Variants in ULK4 observed in about 807,000 individuals in gnomAD.
ULK4 encodes the protein inactive serine/threonine-protein kinase ULK4.
Under a neutral mutation model 160.6 loss-of-function variants are expected in ULK4, and 133 were observed. The ratio of observed to expected loss-of-function variants is 0.83; its 90% CI spans 0.72 to 0.96. The LOEUF is 0.96. Ranked by LOEUF, ULK4 falls within the 40% of genes least tolerant of loss-of-function variation. The pLI is 0.00. For synonymous variants in ULK4, 534 were observed against 539.8 expected (o/e 0.99, Z 0.15); for missense variants, 1,580 against 1,499.5 (o/e 1.05, Z -0.89).
At position 41,659,720 on chromosome 3, in the gene ULK4, T is replaced by G. The variant is rs75957696; in HGVS notation, c.3071+3887A>C. 9.8e-4 allele frequency among the ~76,000 whole-genome samples: 149 copies of G among 152,160 alleles called. 1 individual carries two copies. In the East Asian group the frequency reaches 0.025, roughly 25 times the overall value. ...ATTTCTCCTTTGATACATCAATACA[T>G]TTATAGGAATTATCCTATAAGATAT... On this transcript the variant is annotated intron_variant, in intron 30 of 36. Transcript: ENST00000301831.
At chr3:41,528,775 A>C (rs2086202360) in intron 32 of ULK4, among the ~76,000 whole-genome samples, 1 of 152,220 alleles carries the variant, frequency 6.6e-6, no homozygotes, top group African/African-American at 2.4e-5. Flanking sequence ...AGGATTTTCC[A>C]GTTACCCAGT....
chr3:41,942,529 A>G (rs143028980), intron 2 of ULK4, among the ~76,000 whole-genome samples: 1,903 of 152,000 alleles, frequency 0.013, 37 homozygotes, highest in African/African-American at 0.044. Context: ...AAAAAAATAA[A>G]TAAATAGGCC....
chr3:41,366,115 G>T (rs933534456), intron 35 of ULK4, among the ~76,000 whole-genome samples: 3 of 152,174 alleles, frequency 2.0e-5, no homozygotes, highest in Non-Finnish European at 4.4e-5. Context: ...TGTCCTCAAA[G>T]CAAACAGCAA....
At chr3:41,418,276 A>C (rs1010066002) in intron 34 of ULK4, among the ~76,000 whole-genome samples, 2 of 146,062 alleles carry the variant, frequency 1.4e-5, no homozygotes, top group African/African-American at 5.1e-5. Flanking sequence ...TAAACAGTCA[A>C]TTGACACATA....
At chr3:41,803,164 T>G (rs1360944904) in intron 19 of ULK4, among the ~76,000 whole-genome samples, 1 of 125,128 alleles carries the variant, frequency 8.0e-6, no homozygotes, top group African/African-American at 4.5e-5. Flanking sequence ...AGAGCAAGAC[T>G]CCATCTCAAA....
intron 5 of ULK4, among the ~76,000 whole-genome samples, chr3:41,929,812 A>T (rs879572184): frequency 2.2e-4 from 34 of 152,312 alleles, no homozygotes; most frequent in Non-Finnish European, 4.0e-4. Flanking sequence ...AGGAGACTAC[A>T]AACCTCTGCT....
intron 32 of ULK4, among the ~76,000 whole-genome samples, chr3:41,491,067 C>T (rs868375180): frequency 6.6e-6 from 1 of 152,154 alleles, no homozygotes; most frequent in Non-Finnish European, 1.5e-5. Context: ...GATGAGATCA[C>T]TGAGAACACA....
intron 32 of ULK4, among the ~76,000 whole-genome samples, chr3:41,527,369 CT>C (rs2125937124): frequency 6.6e-6 from 1 of 152,308 alleles, no homozygotes; most frequent in Non-Finnish European, 1.5e-5. Flanking sequence ...TTCTGTGATG[CT>C]TACTATGTGT....
chr3:41,404,194 T>A (rs1286169038), intron 34 of ULK4, among the ~76,000 whole-genome samples: 1 of 151,706 alleles, frequency 6.6e-6, no homozygotes, highest in Non-Finnish European at 1.5e-5. Flanking sequence ...ACTATCATTG[T>A]TGATTTGTCT....
intron 34 of ULK4, among the ~76,000 whole-genome samples, chr3:41,438,431 G>T (rs1162902993): frequency 6.6e-6 from 1 of 152,100 alleles, no homozygotes; most frequent in Non-Finnish European, 1.5e-5. Context: ...TCAGGATGGT[G>T]CGTGAGTTCA....
chr3:41,779,985 TAAAAAA>T (rs777587812), intron 21 of ULK4, among the ~76,000 whole-genome samples: 14 of 59,366 alleles, frequency 2.4e-4, no homozygotes, highest in African/African-American at 4.2e-4. Flanking sequence ...TAGAGTATAA[TAAAAAA>T]AAAAAAAAAA....
At chr3:41,330,884 CAGG>C (rs908457229) in intron 35 of ULK4, among the ~76,000 whole-genome samples, 1 of 152,098 alleles carries the variant, frequency 6.6e-6, no homozygotes, top group African/African-American at 2.4e-5. Context: ...TGGAAGAGGC[CAGG>C]AGAAGTGGCC....
Position 41,348,238 on chromosome 3 carries a change from T to C in ULK4, c.3678+49841A>G, listed in dbSNP as rs113230034. ...AAAAAAAAAAAAAAAAAAAAGTACA[T>C]GGACCAAGAGGTGGCAAAAAGAATA... On this transcript the variant is annotated intron_variant, in intron 35 of 36. Coordinates refer to ENST00000301831, the MANE Select transcript of ULK4 (RefSeq NM_017886.4). 1.7e-4 allele frequency among the ~76,000 whole-genome samples: 21 copies of C among 124,050 alleles called. 1 individual carries two copies. Among genetic ancestry groups the C allele is most frequent in the African/African-American group, 6.8e-4 (21 of 30,852 alleles). The allele number at this position is 124,050 out of a possible 152,430, so 81.4% of individuals were successfully genotyped here.
At chr3:41,933,511 T>C (rs1699662548) in intron 4 of ULK4, among the ~76,000 whole-genome samples, 1 of 152,214 alleles carries the variant, frequency 6.6e-6, no homozygotes, top group Admixed American at 6.6e-5. Flanking sequence ...ATAGGAATCC[T>C]GCCCAACCTT....
At chr3:41,382,357 T>C (rs2081675895) in intron 35 of ULK4, among the ~76,000 whole-genome samples, 1 of 152,220 alleles carries the variant, frequency 6.6e-6, no homozygotes, top group African/African-American at 2.4e-5. Flanking sequence ...CTGAGGACTT[T>C]TTCTGTGTGG....
At chr3:41,945,455 A>T (rs966707518) in intron 2 of ULK4, among the ~76,000 whole-genome samples, 1 of 152,144 alleles carries the variant, frequency 6.6e-6, no homozygotes, top group African/African-American at 2.4e-5. Flanking sequence ...ACCAATTCAC[A>T]GTTACCCACA....
chr3:41,310,025 G>A (rs2080019787), intron 35 of ULK4, among the ~76,000 whole-genome samples: 1 of 152,166 alleles, frequency 6.6e-6, no homozygotes, highest in Admixed American at 6.5e-5. Flanking sequence ...GCATTGTTTG[G>A]GAGAAGGCTA....
At chr3:41,481,352 G>C (rs1032607508) in intron 32 of ULK4, among the ~76,000 whole-genome samples, 3 of 152,240 alleles carry the variant, frequency 2.0e-5, no homozygotes, top group Non-Finnish European at 4.4e-5. Context: ...TCAGGTGTCA[G>C]AGGTGTTTGA....
At chr3:41,776,315 T>C (rs1380146771) in intron 21 of ULK4, among the ~76,000 whole-genome samples, 1 of 150,848 alleles carries the variant, frequency 6.6e-6, no homozygotes, top group Non-Finnish European at 1.5e-5. Flanking sequence ...ATTTTTCATA[T>C]CCTGGATACT....
Sources: gnomAD v4.1 joint callset for allele counts (sites outside exome capture counted in the v4.1 genomes callset) on GRCh38, gnomAD v4.1.1 for gene constraint, MANE v1.5 for transcripts, NCBI Gene and HGNC (gene_info 2026-07-23, HGNC 2026-07-21) for gene names.